EPHA3: variants seen among roughly 807,000 people sequenced by gnomAD.
EPHA3 encodes the protein ephrin type-A receptor 3.
Under a neutral mutation model 107.1 loss-of-function variants are expected in EPHA3, and 42 were observed. The observed-to-expected ratio is 0.39, with a 90% confidence interval of 0.31 to 0.51. The LOEUF is 0.51. Among genes scored for constraint, EPHA3 ranks in the 20% least tolerant of loss-of-function variants. The pLI is 0.78. For synonymous variants in EPHA3, 461 were observed against 424.8 expected, an observed-to-expected ratio of 1.09 and a Z score of -1.05; for missense variants, 1,183 against 1,211.2, an observed-to-expected ratio of 0.98 and a Z score of 0.35.
chr3:89,397,364 A>G (rs1220059164), intron 6 of EPHA3, among the ~76,000 whole-genome samples: 1 of 152,190 alleles, frequency 6.6e-6, no homozygotes, highest in Non-Finnish European at 1.5e-5. Flanking sequence ...GGGCAAATAT[A>G]ATAATTCATG....
At chr3:89,250,584 T>C (rs928049674) in intron 3 of EPHA3, among the ~76,000 whole-genome samples, 1 of 152,180 alleles carries the variant, frequency 6.6e-6, no homozygotes, top group African/African-American at 2.4e-5. Flanking sequence ...TTACTTTCTG[T>C]TCTTATCCCC....
At chr3:89,275,738 A>G (rs1705788649) in intron 3 of EPHA3, among the ~76,000 whole-genome samples, 1 of 152,054 alleles carries the variant, frequency 6.6e-6, no homozygotes, top group Non-Finnish European at 1.5e-5. Flanking sequence ...CAGCTTTCAT[A>G]TTTGGTTTAA....
intron 11 of EPHA3, among the ~76,000 whole-genome samples, chr3:89,425,858 A>T (rs1298817396): frequency 6.6e-6 from 1 of 151,612 alleles, no homozygotes; most frequent in Non-Finnish European, 1.5e-5. Context: ...TCTGTCATCA[A>T]GCGGCGATTC....
At position 89,107,752 on chromosome 3, in the gene EPHA3, G is replaced by T. The variant is rs770282917; in HGVS notation, c.4G>T (p.Asp2Tyr). 12 of 1,614,096 alleles carry T rather than the reference G, an allele frequency of 7.4e-6. No individual in the cohort carries two copies. Among genetic ancestry groups the T allele is most frequent in the Admixed American group, 1.7e-5 (1 of 60,028 alleles). Residue 2 changes from aspartate (D) to tyrosine (Y), a missense_variant, in exon 1 of 17, where the codon GAT (aspartate) becomes TAT (tyrosine). Coordinates refer to ENST00000336596, the MANE Select transcript of EPHA3 (RefSeq NM_005233.6). M[D>Y]CQLSILLLLS... ...CACTGCCCTCTGCACCAGCAACATG[G>T]ATTGTCAGCTCTCCATCCTCCTCCT...
At chr3:89,472,641 A>G in intron 16 of EPHA3, 22 bp downstream of exon 16, 1 of 1,600,170 alleles carries the variant, frequency 6.2e-7, no homozygotes, top group Non-Finnish European at 8.5e-7. Context: ...AAATTCATTA[A>G]GAAGAATGAA....
chr3:89,271,446 T>C (rs1180646048), intron 3 of EPHA3, among the ~76,000 whole-genome samples: 8 of 151,998 alleles, frequency 5.3e-5, no homozygotes, highest in Non-Finnish European at 1.5e-5. Context: ...AGGTTTGCTA[T>C]GACATGGAGG....
intron 2 of EPHA3, among the ~76,000 whole-genome samples, chr3:89,187,808 T>C (rs192864832): frequency 6.6e-6 from 1 of 152,312 alleles, no homozygotes; most frequent in East Asian, 1.9e-4. Flanking sequence ...CATAGCTTTG[T>C]AGGAACACTT....
At chr3:89,427,020 CA>C (rs1332321760) in intron 11 of EPHA3, among the ~76,000 whole-genome samples, 1 of 151,610 alleles carries the variant, frequency 6.6e-6, no homozygotes, top group African/African-American at 2.4e-5. Context: ...ATTGTTTAAT[CA>C]AAGTTTAGTT....
intron 5 of EPHA3, among the ~76,000 whole-genome samples, chr3:89,350,438 T>G (rs1707782197): frequency 6.6e-6 from 1 of 151,586 alleles, no homozygotes; most frequent in Non-Finnish European, 1.5e-5. Flanking sequence ...ATTCTTCACG[T>G]AGTTCTCAAG....
At chr3:89,449,696 T>C (rs763328769) in intron 14 of EPHA3, among the ~76,000 whole-genome samples, 1 of 152,176 alleles carries the variant, frequency 6.6e-6, no homozygotes, top group Non-Finnish European at 1.5e-5. Context: ...CTTTACACCA[T>C]TGAAAAGTAC....
intron 2 of EPHA3, among the ~76,000 whole-genome samples, chr3:89,138,860 A>T (rs1313170741): frequency 1.3e-5 from 2 of 151,886 alleles, no homozygotes; most frequent in African/African-American, 2.4e-5. Context: ...AGTATTTATT[A>T]TAAAGGCACA....
In EPHA3 at chr3:89,460,776, T is replaced by C. The variant is rs1710214649; in HGVS notation, c.2690+10406T>C. Among the ~76,000 whole-genome samples, 3 of 145,404 alleles carry C rather than the reference T, an allele frequency of 2.1e-5. No individual in the cohort carries two copies. In the South Asian group the frequency reaches 6.3e-4, roughly 31 times the overall value. On this transcript the variant is annotated intron_variant, in intron 15 of 16. Coordinates refer to ENST00000336596, the MANE Select transcript of EPHA3 (RefSeq NM_005233.6). ...TGAATAAATATGATACAGAACCTTTTAGAGGGAATCGAATATGCCGAATAC... is the reference window on the plus strand; with the variant it reads ...TGAATAAATATGATACAGAACCTTTCAGAGGGAATCGAATATGCCGAATAC...
intron 2 of EPHA3, among the ~76,000 whole-genome samples, chr3:89,136,330 C>CTTTTTTTTTGTTTTTTTTTTTTTTTT (rs1704310614): frequency 8.6e-5 from 2 of 23,372 alleles, no homozygotes; most frequent in Non-Finnish European, 1.6e-4. Flanking sequence ...ATCTTACAGG[C>CTTTTTTTTTGTTTTTTTTTTTTTTTT]TTTTTTTTTT....
At chr3:89,369,875 A>T (rs1322326307) in intron 5 of EPHA3, among the ~76,000 whole-genome samples, 6 of 150,744 alleles carry the variant, frequency 4.0e-5, no homozygotes, top group Non-Finnish European at 7.4e-5. Flanking sequence ...TCAAAAGAAG[A>T]CATTTATGCA....
At chr3:89,270,498 A>C (rs1468859698) in intron 3 of EPHA3, among the ~76,000 whole-genome samples, 2 of 152,044 alleles carry the variant, frequency 1.3e-5, no homozygotes. Flanking sequence ...TATTTCCTTA[A>C]GGAGAGATGC....
chr3:89,155,770 G>C (rs1404998656), intron 2 of EPHA3, among the ~76,000 whole-genome samples: 1 of 152,014 alleles, frequency 6.6e-6, no homozygotes, highest in African/African-American at 2.4e-5. Flanking sequence ...CCTTGAGAGA[G>C]TGAAAATATG....
In EPHA3 at chr3:89,408,115, T is replaced by C. The variant is rs1275747744; in HGVS notation, c.1746T>C (p.His582=). ...SKHGADEKRL[H]FGNGHLKLPG... ...ATGGGGCAGATGAAAAAAGACTTCA[T>C]TTTGGCAATGGGCATTGTAAGTTTC... Residue 582 remains histidine, a synonymous_variant, in exon 9 of 17, where the codon CAT becomes CAC. Transcript: ENST00000336596. The C allele has an allele frequency of 1.2e-6, 2 of 1,612,768 alleles. No homozygotes were observed. Among genetic ancestry groups the C allele is most frequent in the Middle Eastern group, 1.6e-4 (1 of 6,070 alleles).
intron 16 of EPHA3, among the ~76,000 whole-genome samples, chr3:89,478,534 G>A (rs1710563211): frequency 6.6e-6 from 1 of 152,128 alleles, no homozygotes; most frequent in Admixed American, 6.5e-5. Flanking sequence ...TGTACAGCTG[G>A]TCTCACCTGG....
chr3:89,343,457 C>A (rs1707578474), intron 5 of EPHA3, among the ~76,000 whole-genome samples: 1 of 152,180 alleles, frequency 6.6e-6, no homozygotes, highest in Non-Finnish European at 1.5e-5. Flanking sequence ...ATGTCAGGTC[C>A]ATCTCCATTC....
Sources: gnomAD v4.1 joint callset for allele counts (sites outside exome capture counted in the v4.1 genomes callset) on GRCh38, gnomAD v4.1.1 for gene constraint, MANE v1.5 for transcripts, NCBI Gene and HGNC (gene_info 2026-07-23, HGNC 2026-07-21) for gene names.